Variants in TMC1 observed in about 807,000 individuals in gnomAD.
TMC1 encodes transmembrane channel-like protein 1.
In TMC1, 84 loss-of-function variants were observed where a neutral mutation model predicts 105.8. The ratio of observed to expected loss-of-function variants is 0.79; its 90% CI spans 0.67 to 0.95. TMC1 has a LOEUF of 0.95. Ranked by LOEUF, TMC1 falls within the 40% of genes least tolerant of loss-of-function variation. The pLI is 0.00. For synonymous variants in TMC1, 315 were observed against 311.5 expected (o/e 1.01, Z -0.12); for missense variants, 817 against 914.1 (o/e 0.89, Z 1.37).
chr9:72,523,429 CAT>C (rs1564388267), intron 1 of TMC1, among the ~76,000 whole-genome samples: 1 of 152,106 alleles, frequency 6.6e-6, no homozygotes, highest in Non-Finnish European at 1.5e-5. Flanking sequence ...TTACCAATAA[CAT>C]AAACAGTTTA....
chr9:72,631,407 T>C (rs900516887), intron 4 of TMC1, among the ~76,000 whole-genome samples: 1 of 152,186 alleles, frequency 6.6e-6, no homozygotes, highest in Non-Finnish European at 1.5e-5. Context: ...CAGTGTTAAC[T>C]AGATTTCTTT....
At chr9:72,640,788 C>A (rs374313168) in intron 4 of TMC1, among the ~76,000 whole-genome samples, 2 of 151,996 alleles carry the variant, frequency 1.3e-5, no homozygotes, top group South Asian at 2.1e-4. Context: ...CCCGCCACTA[C>A]GCCTGGCTAA....
At chr9:72,775,902 A>G (rs917274215) in intron 13 of TMC1, among the ~76,000 whole-genome samples, 5 of 152,182 alleles carry the variant, frequency 3.3e-5, no homozygotes, top group African/African-American at 1.2e-4. Context: ...TTAAACAGCC[A>G]GCTCTCGTGG....
chr9:72,575,532 A>C (rs564753439), intron 1 of TMC1, among the ~76,000 whole-genome samples: 2 of 152,168 alleles, frequency 1.3e-5, no homozygotes, highest in Non-Finnish European at 2.9e-5. Context: ...AAATCTCTCG[A>C]ATAGGAAAAT....
intron 1 of TMC1, among the ~76,000 whole-genome samples, chr9:72,526,223 C>T (rs748685281): frequency 8.7e-5 from 13 of 149,510 alleles, no homozygotes; most frequent in Non-Finnish European, 2.0e-4. Flanking sequence ...GGGGCTCTCA[C>T]TTTAGCACTT....
intron 12 of TMC1, among the ~76,000 whole-genome samples, chr9:72,760,853 A>T (rs769870171): frequency 6.6e-6 from 1 of 152,132 alleles, no homozygotes. Flanking sequence ...GTAGAGCTTC[A>T]TCTGGGAACC....
intron 13 of TMC1, among the ~76,000 whole-genome samples, chr9:72,783,124 G>A (rs1828118824): frequency 6.6e-6 from 1 of 152,002 alleles, no homozygotes; most frequent in South Asian, 2.1e-4. Context: ...TATTAGTCAG[G>A]GCTCTCTAGA....
chr9:72,525,813 C>A (rs1033544203), intron 1 of TMC1, among the ~76,000 whole-genome samples: 4 of 152,182 alleles, frequency 2.6e-5, no homozygotes, highest in Non-Finnish European at 4.4e-5. Context: ...CATGGCAAAA[C>A]CCCGTCTCTA....
intron 4 of TMC1, among the ~76,000 whole-genome samples, chr9:72,635,866 CTTGT>C (rs1825525191): frequency 6.6e-6 from 1 of 152,158 alleles, no homozygotes; most frequent in South Asian, 2.1e-4. Context: ...CCCTGAAACA[CTTGT>C]TTTAGTGCAG....
At chr9:72,654,585 GT>G (rs1471079656) in intron 5 of TMC1, among the ~76,000 whole-genome samples, 1 of 151,946 alleles carries the variant, frequency 6.6e-6, no homozygotes, top group Non-Finnish European at 1.5e-5. Flanking sequence ...CCTTACATAT[GT>G]TTTAGGAACC....
chr9:72,716,015 C>G (rs1332259554), intron 8 of TMC1, among the ~76,000 whole-genome samples: 2 of 152,320 alleles, frequency 1.3e-5, no homozygotes, highest in African/African-American at 4.8e-5. Flanking sequence ...ACCATCAGGC[C>G]CCTCTGCTGC....
At chr9:72,824,097 G>A (rs1828914463) in intron 20 of TMC1, among the ~76,000 whole-genome samples, 1 of 152,274 alleles carries the variant, frequency 6.6e-6, no homozygotes, top group South Asian at 2.1e-4. Context: ...GTGGGCAAGT[G>A]AGTGCGGGAT....
At chr9:72,544,062 C>G (rs1823724261) in intron 1 of TMC1, among the ~76,000 whole-genome samples, 1 of 148,914 alleles carries the variant, frequency 6.7e-6, no homozygotes, top group Non-Finnish European at 1.5e-5. Context: ...AGTGATTCTT[C>G]TGCCTCAGTC....
At chr9:72,547,967 C>A (rs1383977804) in intron 1 of TMC1, among the ~76,000 whole-genome samples, 1 of 152,170 alleles carries the variant, frequency 6.6e-6, no homozygotes, top group Non-Finnish European at 1.5e-5. Context: ...CTTGTTCTAT[C>A]CTCACATGGC....
intron 5 of TMC1, among the ~76,000 whole-genome samples, chr9:72,669,286 G>A (rs1272376937): frequency 1.3e-5 from 2 of 152,126 alleles, no homozygotes; most frequent in Admixed American, 6.6e-5. Context: ...TCCAGCCTGG[G>A]CGAAAGAGTA....
At chr9:72,825,946 G>GA (rs1484024283) in intron 20 of TMC1, among the ~76,000 whole-genome samples, 1 of 151,844 alleles carries the variant, frequency 6.6e-6, no homozygotes, top group Admixed American at 6.6e-5. Flanking sequence ...TAGACCAGGA[G>GA]AAAAAAACCA....
rs1341902615 is a variant in TMC1 at position 72,837,643 on chromosome 9, A to G, written c.*1670A>G. On this transcript the variant is annotated 3_prime_UTR_variant, in exon 24 of 24. Coordinates refer to ENST00000297784, the MANE Select transcript of TMC1 (RefSeq NM_138691.3). ...GAATTGACTTTAAGTAGTAACACTC[A>G]GTGCCCTCACTAGCCTTGTTGTGCG... is the stretch of plus-strand genomic sequence containing the variant. 2.0e-5 allele frequency: 3 copies of G among 152,232 alleles called. No homozygotes were observed. The highest frequency in any genetic ancestry group is 4.4e-5 in the Non-Finnish European group (3 of 68,048). 9.4% of individuals were successfully genotyped at this position (152,232 alleles called of 1,614,324 possible). A position where few individuals can be genotyped will look rare whatever the true frequency, so the allele number is the denominator to read the frequency against.
At chr9:72,647,697 T>G (rs562621384) in intron 4 of TMC1, among the ~76,000 whole-genome samples, 75 of 152,272 alleles carry the variant, frequency 4.9e-4, no homozygotes, top group Middle Eastern at 3.4e-3. Context: ...AGTCTATATA[T>G]TCTAGAAGGG....
At chr9:72,829,607 A>G (rs1829010669) in intron 21 of TMC1, among the ~76,000 whole-genome samples, 1 of 152,198 alleles carries the variant, frequency 6.6e-6, no homozygotes, top group Non-Finnish European at 1.5e-5. Context: ...TCACTCATGT[A>G]AGAGATAAAC....
Sources: allele counts gnomAD v4.1 joint callset (sites outside exome capture counted in the v4.1 genomes callset), GRCh38; gene constraint gnomAD v4.1.1; transcripts MANE v1.5; gene names NCBI Gene and HGNC (gene_info 2026-07-23, HGNC 2026-07-21).